VAV1: variants seen among roughly 807,000 people sequenced by gnomAD.
VAV1 encodes proto-oncogene vav.
Under a neutral mutation model 128.1 loss-of-function variants are expected in VAV1, and 33 were observed. The ratio of observed to expected loss-of-function variants is 0.26; its 90% CI spans 0.20 to 0.34. The LOEUF is 0.34. VAV1 is among the 10% of genes least tolerant of loss of function. The pLI is 1.00. For synonymous variants in VAV1, 394 were observed against 409.8 expected (o/e 0.96, Z 0.47); for missense variants, 715 against 1,093.7 (o/e 0.65, Z 4.88).
At chr19:6,804,066 G>A (rs1971331069) in intron 1 of VAV1, among the ~76,000 whole-genome samples, 1 of 152,084 alleles carries the variant, frequency 6.6e-6, no homozygotes, top group Non-Finnish European at 1.5e-5. Context: ...GTTGTCAGAG[G>A]TTAGTGGAAA....
At chr19:6,817,831 C>T (rs1971689018) in intron 1 of VAV1, among the ~76,000 whole-genome samples, 1 of 151,986 alleles carries the variant, frequency 6.6e-6, no homozygotes, top group African/African-American at 2.4e-5. Context: ...GGACTACAGG[C>T]ACCCGCCACC....
Position 6,833,517 on chromosome 19 carries a change from C to T in VAV1, c.1611-11C>T, listed in dbSNP as rs756690633. Reference sequence around the variant, plus strand: ...TCACTCGCTCTTCTTTATGTGTTCCCTGCATCTCAGAGGTACCTTCTATCA... The same window carrying T: ...TCACTCGCTCTTCTTTATGTGTTCCTTGCATCTCAGAGGTACCTTCTATCA... On this transcript the variant is annotated splice_polypyrimidine_tract_variant and intron_variant, in intron 16 of 26. Transcript: ENST00000602142. 3.1e-6 allele frequency: 5 copies of T among 1,589,384 alleles called. No homozygotes were observed. The Admixed American group carries it at 8.9e-5, about 28-fold the overall frequency.
chr19:6,776,399 CCCATCTATCCATCCATCCAT>C (rs1970638678), intron 1 of VAV1, among the ~76,000 whole-genome samples: 2 of 93,694 alleles, frequency 2.1e-5, no homozygotes, highest in African/African-American at 9.9e-5. Flanking sequence ...CATCCACCCA[CCCATCTATCCATCCATCCAT>C]CCATCCATCC....
At chr19:6,853,328 C>T (rs1972713306) in intron 25 of VAV1, among the ~76,000 whole-genome samples, 1 of 151,572 alleles carries the variant, frequency 6.6e-6, no homozygotes, top group South Asian at 2.1e-4. Flanking sequence ...TGCAGTGGTG[C>T]GATCTTAGCT....
At chr19:6,799,284 C>T (rs1971210049) in intron 1 of VAV1, among the ~76,000 whole-genome samples, 2 of 152,122 alleles carry the variant, frequency 1.3e-5, no homozygotes, top group Admixed American at 6.5e-5. Flanking sequence ...TCTTCTGCCT[C>T]AGCCTCTCGA....
chr19:6,784,788 C>G (rs774885640), intron 1 of VAV1, among the ~76,000 whole-genome samples: 11 of 152,052 alleles, frequency 7.2e-5, no homozygotes, highest in Non-Finnish European at 1.3e-4. Context: ...GCCACCATGC[C>G]CAGCCTCCAT....
At chr19:6,842,991 G>T (rs913319277) in intron 21 of VAV1, 144 bp from the exon 22 acceptor site, 2 of 840,356 alleles carry the variant, frequency 2.4e-6, no homozygotes, top group Admixed American at 4.1e-5. Context: ...TTTATCCCCA[G>T]TGAGTACCAC....
chr19:6,805,135 G>A (rs538131334), intron 1 of VAV1, among the ~76,000 whole-genome samples: 2 of 152,062 alleles, frequency 1.3e-5, no homozygotes, highest in African/African-American at 4.8e-5. Flanking sequence ...CATGAAAAGC[G>A]GTGGTAAGGC....
chr19:6,807,211 T>A (rs1312254775), intron 1 of VAV1, among the ~76,000 whole-genome samples: 2 of 152,136 alleles, frequency 1.3e-5, no homozygotes, highest in African/African-American at 2.4e-5. Context: ...TCTATTATTA[T>A]TACATTGTAA....
chr19:6,824,514 A>G (rs911120790), intron 6 of VAV1, among the ~76,000 whole-genome samples: 5 of 151,906 alleles, frequency 3.3e-5, no homozygotes, highest in Non-Finnish European at 5.9e-5. Flanking sequence ...ATAATATTCC[A>G]TTGTATGGAT....
chr19:6,816,112 T>C (rs1006770361), intron 1 of VAV1, among the ~76,000 whole-genome samples: 5 of 149,624 alleles, frequency 3.3e-5, no homozygotes, highest in African/African-American at 9.9e-5. Flanking sequence ...CTCCGCCTCC[T>C]GGGTTCACGC....
chr19:6,772,718 G>A lies in VAV1; in HGVS notation c.-90G>A. On this transcript the variant is annotated 5_prime_UTR_variant, in exon 1 of 27. Transcript: ENST00000602142. This position sits in a 1 kb window ranked among gnomAD's most constrained non-coding sequence, Gnocchi z 4.8. The stretch of plus-strand genomic sequence containing the variant: ...AGAAGAGGAAGTGGTAGCACTAGCT[G>A]TCGCTCCACAGGCGAGCAGGGCAGG... 7.2e-7 allele frequency: 1 copy of A among 1,394,684 alleles called. No homozygotes were observed. Among genetic ancestry groups the A allele is most frequent in the South Asian group, 1.3e-5 (1 of 75,872 alleles). 86.4% of individuals were successfully genotyped at this position (1,394,684 alleles called of 1,614,324 possible).
At chr19:6,788,603 C>T (rs1970947875) in intron 1 of VAV1, among the ~76,000 whole-genome samples, 1 of 152,044 alleles carries the variant, frequency 6.6e-6, no homozygotes. Context: ...TCTTGAATGA[C>T]CTCACGTGAT....
chr19:6,776,839 C>T lies in VAV1; in HGVS notation c.204+3828C>T, dbSNP rs140284735. Reference sequence around the variant, plus strand: ...GGGGCATGATCTCGGCTCACTGCAACGTCTGCTTCCTAGGTTCAAGCAATT... The same window carrying T: ...GGGGCATGATCTCGGCTCACTGCAATGTCTGCTTCCTAGGTTCAAGCAATT... On this transcript the variant is annotated intron_variant, in intron 1 of 26. Coordinates refer to ENST00000602142, the MANE Select transcript of VAV1 (RefSeq NM_005428.4). 4.2e-3 allele frequency among the ~76,000 whole-genome samples: 646 copies of T among 152,186 alleles called. 3 individuals are homozygous for T. The highest frequency in any genetic ancestry group is 0.012 in the African/African-American group (517 of 41,508).
In VAV1 at chr19:6,804,747, G is replaced by A. The variant is rs368912217; in HGVS notation, c.205-15955G>A. Among the ~76,000 whole-genome samples, 168 of 119,440 alleles carry A rather than the reference G, an allele frequency of 1.4e-3. 2 individuals are homozygous for A. The East Asian group carries it at 0.03, about 22-fold the overall frequency. The allele number at this position is 119,440 out of a possible 152,430, so 78.4% of individuals were successfully genotyped here. A position where few individuals can be genotyped will look rare whatever the true frequency, so the allele number is the denominator to read the frequency against. On this transcript the variant is annotated intron_variant, in intron 1 of 26. Coordinates refer to ENST00000602142, the MANE Select transcript of VAV1 (RefSeq NM_005428.4). ...CTCCTTTTTTTTTTTTTTTTGAGAC[G>A]GAGTCTTGCTCTGTCGCACAGGCTG... is the stretch of plus-strand genomic sequence containing the variant.
chr19:6,780,754 A>G (rs1970752513), intron 1 of VAV1, among the ~76,000 whole-genome samples: 1 of 148,852 alleles, frequency 6.7e-6, no homozygotes, highest in Non-Finnish European at 1.5e-5. Context: ...TTGTATTTTT[A>G]GTAGAGACAG....
chr19:6,781,492 G>A (rs1970765030), intron 1 of VAV1, among the ~76,000 whole-genome samples: 1 of 152,270 alleles, frequency 6.6e-6, no homozygotes, highest in South Asian at 2.1e-4. Context: ...GTGAAGCTGA[G>A]CCTCTTTCCT....
At position 6,833,248 on chromosome 19, in the gene VAV1, G is replaced by C; in HGVS notation, c.1573G>C (p.Glu525Gln). Residue 525 changes from glutamate to glutamine, a missense_variant, in exon 16 of 27, where the codon GAG becomes CAG. Physicochemically the swap from Glu to Gln is conservative, Grantham distance 29 (BLOSUM62 2). This residue lies in a region of VAV1 where 407 missense variants were observed against 580.6 expected (regional missense o/e 0.70). Transcript: ENST00000602142. ...GHDFQMFSFE[E>Q]TTSCKACQML... The stretch of plus-strand genomic sequence containing the variant: ...TGACTTCCAGATGTTCTCCTTTGAG[G>C]AGACCACATCCTGCAAGGCCTGTCA... 6.2e-7 allele frequency: 1 copy of C among 1,613,690 alleles called. No individual in the cohort carries two copies. The highest frequency in any genetic ancestry group is 1.7e-5 in the Admixed American group (1 of 59,950).
rs1026615563 is a variant in VAV1 at position 6,822,576 on chromosome 19, C to A, written c.654+62C>A. The A allele has an allele frequency of 4.8e-6, 7 of 1,457,750 alleles. No individual in the cohort carries two copies. Among genetic ancestry groups the A allele is most frequent in the Non-Finnish European group, 6.5e-6 (7 of 1,077,712 alleles). 90.3% of individuals were successfully genotyped at this position (1,457,750 alleles called of 1,614,324 possible). A position where few individuals can be genotyped will look rare whatever the true frequency, so the allele number is the denominator to read the frequency against. On this transcript the variant is annotated intron_variant, in intron 6 of 26. Transcript: ENST00000602142. The surrounding 1 kb of genome is among the most constrained non-coding windows in gnomAD (Gnocchi z 5.9). ...CGCGGGAGCTGGGCCGGCAGGTGCACGTCCACCTGTCCGGCCGCTCTGGGC... is the reference window on the plus strand; with the variant it reads ...CGCGGGAGCTGGGCCGGCAGGTGCAAGTCCACCTGTCCGGCCGCTCTGGGC...
Sources: allele counts gnomAD v4.1 joint callset (sites outside exome capture counted in the v4.1 genomes callset), GRCh38; gene constraint gnomAD v4.1.1; regional missense constraint gnomAD v4.1.1; non-coding constraint Gnocchi (gnomAD v3.1); transcripts MANE v1.5; gene names NCBI Gene and HGNC (gene_info 2026-07-23, HGNC 2026-07-21).